The following SLCO1B1 variants were observed in gnomAD, a reference collection of about 807,000 sequenced individuals.
The protein encoded by SLCO1B1 is solute carrier organic anion transporter family member 1B1.
A neutral mutation model predicts 70.1 loss-of-function variants in SLCO1B1; 81 were observed. The observed-to-expected ratio is 1.16, with a 90% CI of 0.97 to 1.39. SLCO1B1 has a LOEUF of 1.39. Among genes scored for constraint, SLCO1B1 ranks in the 40% most tolerant of loss-of-function variants. SLCO1B1 has a pLI of 0.00. For missense variants in SLCO1B1, 895 were observed against 799.6 expected (o/e 1.12, Z -1.44); for synonymous variants, 283 against 271.5 (o/e 1.04, Z -0.42).
At chr12:21,196,875 T>C in intron 7 of SLCO1B1, 71 bp from the exon 8 acceptor site, 1 of 1,465,414 alleles carries the variant, frequency 6.8e-7, no homozygotes, top group Non-Finnish European at 9.5e-7. Flanking sequence ...ACTTTCTTCA[T>C]ACCATTATTT....
At chr12:21,206,561 T>C (rs1285781108) in intron 11 of SLCO1B1, among the ~76,000 whole-genome samples, 1 of 151,920 alleles carries the variant, frequency 6.6e-6, no homozygotes, top group African/African-American at 2.4e-5. Flanking sequence ...TGCCCTATTC[T>C]TGATTTTCTA....
chr12:21,233,562 A>C (rs1395033736), intron 14 of SLCO1B1, among the ~76,000 whole-genome samples: 2 of 96,558 alleles, frequency 2.1e-5, no homozygotes, highest in African/African-American at 3.3e-5. Context: ...CAAAAAAAAA[A>C]CAAACAAACA....
chr12:21,174,548 G>A (rs746990539), intron 3 of SLCO1B1, 29 bp from the exon 4 acceptor site: 2 of 1,609,932 alleles, frequency 1.2e-6, no homozygotes, highest in African/African-American at 1.3e-5. Flanking sequence ...GAACTAAGCT[G>A]TATCAACATA....
chr12:21,142,220 A>C (rs112997079), intron 2 of SLCO1B1, among the ~76,000 whole-genome samples: 44 of 152,104 alleles, frequency 2.9e-4, no homozygotes, highest in African/African-American at 1.1e-3. Context: ...CCAGCTGGTA[A>C]AAGTAATAAT....
intron 1 of SLCO1B1, among the ~76,000 whole-genome samples, chr12:21,132,272 T>C (rs111806418): frequency 3.3e-5 from 5 of 152,332 alleles, no homozygotes; most frequent in African/African-American, 1.2e-4. Context: ...TCTTTGCTAC[T>C]GTGAATAGTG....
intron 11 of SLCO1B1, among the ~76,000 whole-genome samples, chr12:21,215,893 A>G (rs535308311): frequency 7.9e-5 from 12 of 152,188 alleles, no homozygotes; most frequent in Admixed American, 2.6e-4. Context: ...TTGGAACTCT[A>G]TATTAGTGTT....
intron 2 of SLCO1B1, among the ~76,000 whole-genome samples, chr12:21,172,339 C>G (rs1940765873): frequency 1.3e-5 from 2 of 152,070 alleles, no homozygotes; most frequent in South Asian, 4.1e-4. Flanking sequence ...ACCATCATGG[C>G]CATCTGAGAA....
intron 1 of SLCO1B1, among the ~76,000 whole-genome samples, chr12:21,138,722 T>C (rs917291836): frequency 2.0e-5 from 3 of 151,882 alleles, no homozygotes; most frequent in Non-Finnish European, 2.9e-5. Flanking sequence ...CAACAGGTGG[T>C]AAGTATAAAA....
chr12:21,194,953 G>A (rs773599828), intron 7 of SLCO1B1, among the ~76,000 whole-genome samples: 1 of 152,108 alleles, frequency 6.6e-6, no homozygotes, highest in Non-Finnish European at 1.5e-5. Context: ...GGGAGGCAAG[G>A]TGCCACACAC....
At chr12:21,152,004 A>G (rs1940476495) in intron 2 of SLCO1B1, among the ~76,000 whole-genome samples, 1 of 151,836 alleles carries the variant, frequency 6.6e-6, no homozygotes, top group South Asian at 2.1e-4. Context: ...CCTTCTAGTG[A>G]TTCCATTATG....
chr12:21,213,098 C>G (rs962567144), intron 11 of SLCO1B1, among the ~76,000 whole-genome samples: 6 of 151,116 alleles, frequency 4.0e-5, no homozygotes, highest in Non-Finnish European at 7.4e-5. Context: ...TGAATTTGAT[C>G]CTGTCTTTAT....
chr12:21,166,211 A>G (rs1171820371), intron 2 of SLCO1B1, among the ~76,000 whole-genome samples: 1 of 152,118 alleles, frequency 6.6e-6, no homozygotes. Context: ...AGAAAATCCA[A>G]ATAAACTCAG....
intron 2 of SLCO1B1, among the ~76,000 whole-genome samples, chr12:21,155,201 TTAA>T (rs1419236703): frequency 6.6e-6 from 1 of 151,962 alleles, no homozygotes; most frequent in Non-Finnish European, 1.5e-5. Flanking sequence ...TTTTAAGGCA[TTAA>T]TAATTAAATT....
intron 11 of SLCO1B1, among the ~76,000 whole-genome samples, chr12:21,209,653 A>G (rs11513413): frequency 0.19 from 28,273 of 150,330 alleles, 2,959 homozygotes; most frequent in East Asian, 0.44. Flanking sequence ...CACAATGGTT[A>G]AACTAGTTTA....
At chr12:21,157,847 A>G (rs887231537) in intron 2 of SLCO1B1, among the ~76,000 whole-genome samples, 209 of 152,004 alleles carry the variant, frequency 1.4e-3, no homozygotes, top group African/African-American at 4.2e-3. Flanking sequence ...TGATCTGCCC[A>G]CCTCGGCCTC....
In SLCO1B1 at chr12:21,200,638, T is replaced by C. The variant is rs781275496; in HGVS notation, c.1101T>C (p.Tyr367=). The change falls in exon 9 of 15, where the codon TAT becomes TAC. Residue 367 remains tyrosine, a synonymous_variant. Transcript: ENST00000256958. ...TYVFKYVEQQ[Y]GQPSSKANIL... ...TCTTCAAATACGTAGAGCAACAGTA[T>C]GGTCAGCCTTCATCTAAGGCTAACA... The C allele has an allele frequency of 1.9e-6, 3 of 1,612,524 alleles. No individual in the cohort carries two copies. Among genetic ancestry groups the C allele is most frequent in the African/African-American group, 1.3e-5 (1 of 75,016 alleles).
At chr12:21,188,082 T>A (rs777977835) in intron 7 of SLCO1B1, among the ~76,000 whole-genome samples, 1 of 152,178 alleles carries the variant, frequency 6.6e-6, no homozygotes, top group Non-Finnish European at 1.5e-5. Context: ...AACTAAAGCA[T>A]GTGTTGGAAG....
chr12:21,182,526 G>T (rs1377059943), intron 7 of SLCO1B1, among the ~76,000 whole-genome samples: 1 of 152,040 alleles, frequency 6.6e-6, no homozygotes, highest in Non-Finnish European at 1.5e-5. Flanking sequence ...TGTATTGTAG[G>T]CCCTTCTGCC....
At chr12:21,234,654 A>G (rs1188674744) in intron 14 of SLCO1B1, among the ~76,000 whole-genome samples, 1 of 152,176 alleles carries the variant, frequency 6.6e-6, no homozygotes, top group Non-Finnish European at 1.5e-5. Context: ...ATAGTTTTGC[A>G]GTGAAAATTT....
Sources: allele counts gnomAD v4.1 joint callset (sites outside exome capture counted in the v4.1 genomes callset), GRCh38; gene constraint gnomAD v4.1.1; transcripts MANE v1.5; gene names NCBI Gene and HGNC (gene_info 2026-07-23, HGNC 2026-07-21).